The following ZSCAN25 variants were observed in gnomAD, a reference collection of about 807,000 sequenced individuals.
The protein encoded by ZSCAN25 is zinc finger and SCAN domain-containing protein 25.
Under a neutral mutation model 38.7 loss-of-function variants are expected in ZSCAN25, and 27 were observed. The ratio of observed to expected loss-of-function variants is 0.70; its 90% CI spans 0.51 to 0.96. The LOEUF is 0.96. Among genes scored for constraint, ZSCAN25 ranks in the 40% least tolerant of loss-of-function variants. The pLI is 0.00. For missense variants in ZSCAN25, 637 were observed against 705.9 expected (o/e 0.90, Z 1.11); for synonymous variants, 273 against 277.7 (o/e 0.98, Z 0.17).
At chr7:99,628,520 A>G (rs1412321259) in intron 7 of ZSCAN25, among the ~76,000 whole-genome samples, 1 of 152,222 alleles carries the variant, frequency 6.6e-6, no homozygotes. Flanking sequence ...CAGCAGCGTC[A>G]TGGTCTCAGT....
At chr7:99,690,943 G>T in the ZSCAN25 span, among the ~76,000 whole-genome samples, 5 of 152,148 alleles carry the variant, frequency 3.3e-5, no homozygotes, top group South Asian at 8.3e-4. Flanking sequence ...ACATTACTGG[G>T]TATATACCCA....
At position 99,629,093 on chromosome 7, in the gene ZSCAN25, G is replaced by C; in HGVS notation, c.806-98G>C. On this transcript the variant is annotated intron_variant, in intron 7 of 7. Coordinates refer to ENST00000394152, the MANE Select transcript of ZSCAN25 (RefSeq NM_145115.3). The surrounding 1 kb of genome is among the most constrained non-coding windows in gnomAD (Gnocchi z 5.6). Reference sequence around the variant, plus strand: ...AGGTTGTTGGTCAAAGGAAAAAAGAGAAGGAACCATGAATGGGACCCCTGT... The same window carrying C: ...AGGTTGTTGGTCAAAGGAAAAAAGACAAGGAACCATGAATGGGACCCCTGT... 6.7e-7 allele frequency: 1 copy of C among 1,482,674 alleles called. No homozygotes were observed. The highest frequency in any genetic ancestry group is 9.0e-7 in the Non-Finnish European group (1 of 1,110,318). 91.8% of individuals were successfully genotyped at this position (1,482,674 alleles called of 1,614,324 possible). A position where few individuals can be genotyped will look rare whatever the true frequency, so the allele number is the denominator to read the frequency against.
the ZSCAN25 span, chr7:99,638,797 A>C: frequency 1.2e-4 from 101 of 844,756 alleles, 1 homozygote; most frequent in Admixed American, 1.0e-3. Flanking sequence ...AGGGGCATTC[A>C]GGTGTCCTGG....
chr7:99,659,804 C>T, the ZSCAN25 span: 1 of 153,332 alleles, frequency 6.5e-6, no homozygotes, highest in African/African-American at 2.4e-5. Flanking sequence ...CTTGCTGCTG[C>T]CTTGCAGTTC....
downstream of ZSCAN25, among the ~76,000 whole-genome samples, chr7:99,633,582 T>C (rs867018328): frequency 6.6e-5 from 10 of 152,228 alleles, no homozygotes; most frequent in African/African-American, 2.4e-4. Context: ...ATTGGTTTTT[T>C]TGAGACAGAG....
At chr7:99,721,544 C>T in the ZSCAN25 span, among the ~76,000 whole-genome samples, 1 of 152,134 alleles carries the variant, frequency 6.6e-6, no homozygotes, top group Admixed American at 6.6e-5. Flanking sequence ...GGGGAATAGG[C>T]AGACACTGGA....
intron 7 of ZSCAN25, among the ~76,000 whole-genome samples, chr7:99,628,688 C>T (rs1285530899): frequency 6.6e-6 from 1 of 152,196 alleles, no homozygotes; most frequent in Non-Finnish European, 1.5e-5. Flanking sequence ...GCAGAGGGAG[C>T]ATGTGGGCAG....
At chr7:99,724,417 A>G in the ZSCAN25 span, among the ~76,000 whole-genome samples, 1 of 152,110 alleles carries the variant, frequency 6.6e-6, no homozygotes, top group Non-Finnish European at 1.5e-5. Flanking sequence ...TCTTTTATAC[A>G]TCAGTCTCTC....
chr7:99,622,526 T>C, intron 5 of ZSCAN25, 23 bp from the exon 6 acceptor site: 2 of 1,611,644 alleles, frequency 1.2e-6, no homozygotes, highest in South Asian at 2.2e-5. Flanking sequence ...CTGATCTTTC[T>C]CATGCTTTTT....
At chr7:99,705,624 A>G in the ZSCAN25 span, 1 of 1,610,674 alleles carries the variant, frequency 6.2e-7, no homozygotes, top group African/African-American at 1.3e-5. Context: ...CATATTGAGA[A>G]GCATTAAATA....
the ZSCAN25 span, chr7:99,720,312 C>G: frequency 6.2e-7 from 1 of 1,612,392 alleles, no homozygotes; most frequent in South Asian, 1.1e-5. Context: ...TGGATGCTTA[C>G]CCTCCGGTTT....
At chr7:99,737,504 G>C in the ZSCAN25 span, among the ~76,000 whole-genome samples, 1 of 151,880 alleles carries the variant, frequency 6.6e-6, no homozygotes, top group African/African-American at 2.4e-5. Context: ...TCTCTATGTT[G>C]CCACACCGAG....
chr7:99,676,767 C>T, the ZSCAN25 span, among the ~76,000 whole-genome samples: 19 of 152,158 alleles, frequency 1.2e-4, no homozygotes, highest in African/African-American at 2.4e-4. Context: ...CCTTCTTAAA[C>T]GTTCATTCAC....
At chr7:99,652,797 G>T in the ZSCAN25 span, 9 of 1,595,084 alleles carry the variant, frequency 5.6e-6, no homozygotes, top group South Asian at 8.9e-5. Flanking sequence ...GAAAGAAACA[G>T]AATTGGATAA....
At chr7:99,647,990 A>G in the ZSCAN25 span, 2 of 985,426 alleles carry the variant, frequency 2.0e-6, no homozygotes, top group Non-Finnish European at 2.4e-6. Context: ...TTGTTGAGAA[A>G]TATTTATTCT....
chr7:99,622,624 T>C lies in ZSCAN25; in HGVS notation c.665T>C (p.Phe222Ser), dbSNP rs770297030. Residue 222 changes from phenylalanine (F) to serine (S), a missense_variant, in exon 6 of 8, where the codon TTT (phenylalanine) becomes TCT (serine). Phe to Ser is a radical substitution (Grantham distance 155). Coordinates refer to ENST00000394152, the MANE Select transcript of ZSCAN25 (RefSeq NM_145115.3). ...GACCAAGAGATGGCAGCTGGGTTCTTTACTGCTGGATCGCAGGTGAGCTCT... is the reference window on the plus strand; with the variant it reads ...GACCAAGAGATGGCAGCTGGGTTCTCTACTGCTGGATCGCAGGTGAGCTCT... ...PRDQEMAAGFFTAGSQGLGPF... is the reference protein window; with the variant it reads ...PRDQEMAAGFSTAGSQGLGPF... 3 of 1,614,164 alleles carry C rather than the reference T, an allele frequency of 1.9e-6. No homozygotes were observed. The highest frequency in any genetic ancestry group is 2.5e-6 in the Non-Finnish European group (3 of 1,180,006).
chr7:99,630,881 T>G lies in ZSCAN25; in HGVS notation c.*861T>G. ...AACAGTTCTCTAGAAAGAACTGTTA[T>G]AATTAAAATGAGTCTGAAAGATGAA... On this transcript the variant is annotated 3_prime_UTR_variant, in exon 8 of 8. Transcript: ENST00000394152. 1.0e-6 allele frequency: 1 copy of G among 983,332 alleles called. No individual in the cohort carries two copies. Among genetic ancestry groups the G allele is most frequent in the Non-Finnish European group, 1.2e-6 (1 of 827,998 alleles). The allele number at this position is 983,332 out of a possible 1,614,324, so 60.9% of individuals were successfully genotyped here. A position where few individuals can be genotyped will look rare whatever the true frequency, so the allele number is the denominator to read the frequency against.
the ZSCAN25 span, chr7:99,648,504 T>G: frequency 1.9e-6 from 1 of 513,626 alleles, no homozygotes; most frequent in African/African-American, 2.0e-5. Context: ...TGCAAGCATA[T>G]AAAAACGACT....
the ZSCAN25 span, among the ~76,000 whole-genome samples, chr7:99,724,416 C>T: frequency 2.6e-5 from 4 of 152,176 alleles, no homozygotes; most frequent in Non-Finnish European, 4.4e-5. Context: ...TTCTTTTATA[C>T]ATCAGTCTCT....
Sources: allele counts gnomAD v4.1 joint callset (sites outside exome capture counted in the v4.1 genomes callset), GRCh38; gene constraint gnomAD v4.1.1; non-coding constraint Gnocchi (gnomAD v3.1); transcripts MANE v1.5; gene names NCBI Gene and HGNC (gene_info 2026-07-23, HGNC 2026-07-21).